The following TENM2 variants were observed in gnomAD, a reference collection of about 807,000 sequenced individuals.
TENM2 encodes the protein teneurin transmembrane protein 2.
Under a neutral mutation model 245.2 loss-of-function variants are expected in TENM2, and 52 were observed. That is an observed-to-expected ratio of 0.21 (90% CI 0.17 to 0.27). The LOEUF (loss-of-function observed/expected upper bound fraction) is 0.27, where lower values mean the gene tolerates loss of function less well. Among genes scored for constraint, TENM2 ranks in the 10% least tolerant of loss-of-function variants. The probability of loss-of-function intolerance (pLI) is 1.00; values close to 1 mark genes in which losing one functional copy is unlikely to be tolerated. For synonymous variants in TENM2, 1,363 were observed against 1,438.9 expected, an observed-to-expected ratio of 0.95 and a Z score of 1.19; for missense variants, 3,046 against 3,666.8, an observed-to-expected ratio of 0.83 and a Z score of 4.37.
At chr5:167,390,668 T>C (rs1442982339) in intron 2 of TENM2, among the ~76,000 whole-genome samples, 1 of 151,616 alleles carries the variant, frequency 6.6e-6, no homozygotes, top group Non-Finnish European at 1.5e-5. Flanking sequence ...CAGTGTTGCT[T>C]AATAATTGAT....
intron 23 of TENM2, among the ~76,000 whole-genome samples, chr5:168,219,521 A>G (rs895474615): frequency 8.5e-5 from 13 of 152,154 alleles, no homozygotes; most frequent in South Asian, 6.2e-4. Context: ...CCTAACAATT[A>G]TCTCATACTT....
intron 2 of TENM2, among the ~76,000 whole-genome samples, chr5:167,426,840 T>G (rs1261950188): frequency 6.6e-6 from 1 of 152,132 alleles, no homozygotes; most frequent in East Asian, 1.9e-4. Flanking sequence ...CAACATATGC[T>G]CTACATTTTT....
At chr5:167,226,494 G>C in the TENM2 span, among the ~76,000 whole-genome samples, 1 of 151,854 alleles carries the variant, frequency 6.6e-6, no homozygotes, top group East Asian at 1.9e-4. Context: ...TTTATTCCAA[G>C]TCTGAGAAGA....
chr5:168,136,835 T>TC (rs1360660748), intron 12 of TENM2, among the ~76,000 whole-genome samples: 4 of 152,190 alleles, frequency 2.6e-5, no homozygotes, highest in African/African-American at 9.7e-5. Context: ...GATAAGCGGC[T>TC]CTTAAAGAAA....
intron 2 of TENM2, among the ~76,000 whole-genome samples, chr5:167,669,201 T>C (rs1755769272): frequency 6.6e-6 from 1 of 152,216 alleles, no homozygotes; most frequent in African/African-American, 2.4e-5. Flanking sequence ...TACATTTCTC[T>C]AGCAGTTTGT....
chr5:168,193,794 T>A (rs1468600506), intron 14 of TENM2, among the ~76,000 whole-genome samples: 1 of 152,236 alleles, frequency 6.6e-6, no homozygotes, highest in Admixed American at 6.5e-5. Flanking sequence ...GAAATCTTAG[T>A]CCGAGCTAAG....
chr5:167,867,518 A>T (rs1227702063), intron 2 of TENM2, among the ~76,000 whole-genome samples: 1 of 152,136 alleles, frequency 6.6e-6, no homozygotes, highest in Non-Finnish European at 1.5e-5. Flanking sequence ...CACAATTGGG[A>T]TAGTTTTGCC....
At chr5:167,284,683 G>A (rs567665227), upstream of TENM2, 8 of 623,140 alleles carry the variant, frequency 1.3e-5, no homozygotes, top group African/African-American at 3.7e-5. Context: ...TCATGTTTTC[G>A]TCTGAGTCAG....
At chr5:167,411,791 T>C (rs1762925604) in intron 2 of TENM2, among the ~76,000 whole-genome samples, 1 of 152,202 alleles carries the variant, frequency 6.6e-6, no homozygotes, top group East Asian at 1.9e-4. Flanking sequence ...GCAAGAATCA[T>C]CATCAATGTA....
chr5:167,982,572 GTC>G (rs1208175807), intron 4 of TENM2, among the ~76,000 whole-genome samples: 1 of 151,984 alleles, frequency 6.6e-6, no homozygotes, highest in African/African-American at 2.4e-5. Flanking sequence ...TATTGCTATT[GTC>G]TCTATTTTTT....
the TENM2 span, among the ~76,000 whole-genome samples, chr5:166,980,398 T>A: frequency 6.6e-6 from 1 of 152,198 alleles, no homozygotes; most frequent in Non-Finnish European, 1.5e-5. Context: ...GCCAGCATAA[T>A]GAATGCAAAT....
intron 13 of TENM2, chr5:168,185,084 G>C (rs942488112): frequency 6.6e-6 from 1 of 152,164 alleles, no homozygotes; most frequent in African/African-American, 2.4e-5. Context: ...CCAGCTATAG[G>C]AGTAGACAGG....
At chr5:167,564,106 A>C (rs550483159) in intron 2 of TENM2, among the ~76,000 whole-genome samples, 1 of 152,228 alleles carries the variant, frequency 6.6e-6, no homozygotes, top group Non-Finnish European at 1.5e-5. Flanking sequence ...AGCGAGTCAG[A>C]CAGTGACCAA....
chr5:168,170,902 T>A (rs1179856913), intron 13 of TENM2, among the ~76,000 whole-genome samples: 1 of 152,200 alleles, frequency 6.6e-6, no homozygotes, highest in Non-Finnish European at 1.5e-5. Context: ...CAGCTGTTTT[T>A]TTCACCTTGG....
intron 25 of TENM2, among the ~76,000 whole-genome samples, chr5:168,233,473 T>C (rs1267144714): frequency 2.6e-5 from 4 of 152,236 alleles, no homozygotes; most frequent in Non-Finnish European, 5.9e-5. Flanking sequence ...GTGCCTTCTA[T>C]AGGCGCCTTC....
Position 167,491,020 on chromosome 5 carries a change from G to A in TENM2, c.502+115547G>A, listed in dbSNP as rs1768398173. Among the ~76,000 whole-genome samples, 3 of 152,148 alleles carry A rather than the reference G, an allele frequency of 2.0e-5. No homozygotes were observed. In the South Asian group the frequency reaches 6.2e-4, roughly 32 times the overall value. On this transcript the variant is annotated intron_variant, in intron 2 of 28. Coordinates refer to ENST00000518659, the Ensembl canonical transcript of TENM2. The stretch of plus-strand genomic sequence containing the variant: ...ATCGCATGGGTCATGTATTTGTCTA[G>A]GAATCAATCACAGTGACACAAGGAA...
chr5:167,463,501 A>AT (rs11449486), intron 2 of TENM2, among the ~76,000 whole-genome samples: 27,934 of 141,918 alleles, frequency 0.2, 2,801 homozygotes, highest in South Asian at 0.24. Flanking sequence ...TATTTATTTT[A>AT]TTTTATTTTT....
chr5:167,154,664 C>T, the TENM2 span, among the ~76,000 whole-genome samples: 1 of 152,166 alleles, frequency 6.6e-6, no homozygotes, highest in Admixed American at 6.5e-5. Flanking sequence ...AATCTACAAT[C>T]ATGTTCAATC....
At chr5:168,194,217 C>T (rs1227446400) in intron 14 of TENM2, among the ~76,000 whole-genome samples, 1 of 152,208 alleles carries the variant, frequency 6.6e-6, no homozygotes, top group African/African-American at 2.4e-5. Context: ...GCCCAGTCTG[C>T]TGGGGGCTTG....
Sources: allele counts gnomAD v4.1 joint callset (sites outside exome capture counted in the v4.1 genomes callset), GRCh38; gene constraint gnomAD v4.1.1; transcripts MANE v1.5; gene names NCBI Gene and HGNC (gene_info 2026-07-23, HGNC 2026-07-21).